The following EMC2 variants were observed in gnomAD, a reference collection of about 807,000 sequenced individuals.
The protein encoded by EMC2 is ER membrane protein complex subunit 2, also known as TPR repeat protein 35.
EMC2 carries 37 observed loss-of-function variants against 51.6 expected under a neutral mutation model. The observed-to-expected ratio is 0.72, with a 90% CI of 0.55 to 0.94. EMC2 has a LOEUF of 0.94. Among genes scored for constraint, EMC2 ranks in the 40% least tolerant of loss-of-function variants. EMC2 has a pLI of 0.00. For missense variants in EMC2, 359 were observed against 350.9 expected (o/e 1.02, Z -0.18); for synonymous variants, 131 against 112.4 (o/e 1.17, Z -1.04).
chr8:108,457,316 A>G (rs1439459082), intron 5 of EMC2, among the ~76,000 whole-genome samples: 2 of 113,674 alleles, frequency 1.8e-5, no homozygotes, highest in African/African-American at 6.2e-5. Context: ...TTGTGTAGGG[A>G]TGTGCGTGTG....
chr8:108,468,328 G>A (rs989504163), intron 5 of EMC2, among the ~76,000 whole-genome samples: 1 of 152,026 alleles, frequency 6.6e-6, no homozygotes. Context: ...TGCATTTATT[G>A]TGGCACATTT....
chr8:108,451,257 T>C (rs1165855524), intron 3 of EMC2, among the ~76,000 whole-genome samples: 1 of 152,008 alleles, frequency 6.6e-6, no homozygotes, highest in African/African-American at 2.4e-5. Context: ...AAAATAACAC[T>C]GTAATGGTAG....
At chr8:108,485,351 A>G (rs1292403387) in intron 10 of EMC2, among the ~76,000 whole-genome samples, 1 of 150,076 alleles carries the variant, frequency 6.7e-6, no homozygotes, top group Non-Finnish European at 1.5e-5. Flanking sequence ...TGAAAACACT[A>G]GATGTTGCTA....
chr8:108,478,528 T>C (rs1810987235), intron 9 of EMC2, among the ~76,000 whole-genome samples: 1 of 152,028 alleles, frequency 6.6e-6, no homozygotes, highest in Non-Finnish European at 1.5e-5. Context: ...CTTAAATTTC[T>C]TTAACCTATT....
intron 5 of EMC2, among the ~76,000 whole-genome samples, chr8:108,458,378 A>G (rs1170455255): frequency 2.6e-5 from 4 of 152,050 alleles, no homozygotes; most frequent in Admixed American, 2.0e-4. Flanking sequence ...CCCACATTTC[A>G]CTTCCATACT....
chr8:108,483,362 A>T (rs950721190), intron 10 of EMC2, among the ~76,000 whole-genome samples: 1 of 152,092 alleles, frequency 6.6e-6, no homozygotes, highest in Non-Finnish European at 1.5e-5. Flanking sequence ...TCACCCAAGA[A>T]ACTTTCCTTC....
At chr8:108,475,089 T>C (rs1289924798) in intron 7 of EMC2, 1 of 151,990 alleles carries the variant, frequency 6.6e-6, no homozygotes, top group East Asian at 1.9e-4. Flanking sequence ...TGTCATCACT[T>C]CCTCACTGGG....
chr8:108,462,026 C>T (rs1819334986), intron 5 of EMC2, among the ~76,000 whole-genome samples: 2 of 152,128 alleles, frequency 1.3e-5, no homozygotes, highest in South Asian at 4.1e-4. Flanking sequence ...CCAGGATGGT[C>T]TTGATCTCTT....
intron 7 of EMC2, among the ~76,000 whole-genome samples, chr8:108,472,922 C>G (rs1586189859): frequency 6.6e-6 from 1 of 151,872 alleles, no homozygotes; most frequent in African/African-American, 2.4e-5. Context: ...CAACATTTCC[C>G]AGGCTAGACT....
At chr8:108,477,366 GT>G (rs1810965775) in intron 9 of EMC2, among the ~76,000 whole-genome samples, 1 of 151,954 alleles carries the variant, frequency 6.6e-6, no homozygotes, top group African/African-American at 2.4e-5. Flanking sequence ...ATGACCTATT[GT>G]TTAGGTATGC....
intron 5 of EMC2, among the ~76,000 whole-genome samples, chr8:108,465,763 T>G (rs937528848): frequency 6.6e-6 from 1 of 152,226 alleles, no homozygotes; most frequent in South Asian, 2.1e-4. Flanking sequence ...AATGTAATTA[T>G]TAGCATTTAT....
chr8:108,486,168 A>G (rs893197688), intron 10 of EMC2, among the ~76,000 whole-genome samples: 3 of 150,838 alleles, frequency 2.0e-5, no homozygotes, highest in African/African-American at 4.9e-5. Flanking sequence ...CTACATAAAT[A>G]TAAGCTAAAT....
At chr8:108,457,466 A>G (rs370259784) in intron 5 of EMC2, among the ~76,000 whole-genome samples, 6 of 152,020 alleles carry the variant, frequency 3.9e-5, no homozygotes, top group African/African-American at 9.7e-5. Flanking sequence ...TTTATAAAAG[A>G]AAAAGGTTTA....
intron 5 of EMC2, chr8:108,463,924 T>C (rs1586184238): frequency 6.6e-6 from 1 of 152,550 alleles, no homozygotes; most frequent in South Asian, 2.1e-4. Context: ...TGACTGGCTG[T>C]AGCACCAAAC....
In EMC2 at chr8:108,476,904, T is replaced by A; in HGVS notation, c.702+12T>A. 1 of 1,206,640 alleles carries A rather than the reference T, an allele frequency of 8.3e-7. No individual in the cohort carries two copies. Among genetic ancestry groups the A allele is most frequent in the Non-Finnish European group, 1.2e-6 (1 of 810,112 alleles). The allele number at this position is 1,206,640 out of a possible 1,614,324, so 74.7% of individuals were successfully genotyped here. ...TTGGACTTTATATGGTGAGTTGAGG[T>A]GCATGTTTAATGTTATTTTTAAAAA... On this transcript the variant is annotated intron_variant, in intron 9 of 10. Coordinates refer to ENST00000220853, the MANE Select transcript of EMC2 (RefSeq NM_014673.5).
intron 5 of EMC2, among the ~76,000 whole-genome samples, chr8:108,469,572 C>T (rs1214365817): frequency 6.6e-6 from 1 of 152,172 alleles, no homozygotes; most frequent in East Asian, 1.9e-4. Context: ...TTATCAGAAT[C>T]TGGATGATTA....
intron 5 of EMC2, among the ~76,000 whole-genome samples, chr8:108,468,608 A>G (rs1485916607): frequency 6.6e-6 from 1 of 152,158 alleles, no homozygotes; most frequent in African/African-American, 2.4e-5. Context: ...CTTCAGAGCC[A>G]AATCACTCTC....
intron 1 of EMC2, among the ~76,000 whole-genome samples, chr8:108,444,411 T>A (rs1167389464): frequency 6.6e-6 from 1 of 152,180 alleles, no homozygotes; most frequent in African/African-American, 2.4e-5. Flanking sequence ...GTGGGATATG[T>A]TCTTTAAATC....
chr8:108,452,440 G>A (rs1039133265), intron 3 of EMC2, among the ~76,000 whole-genome samples: 3 of 152,206 alleles, frequency 2.0e-5, no homozygotes, highest in Middle Eastern at 3.4e-3. Flanking sequence ...GGTGACAGGC[G>A]CCTGTAGTCC....
Sources: allele counts gnomAD v4.1 joint callset (sites outside exome capture counted in the v4.1 genomes callset), GRCh38; gene constraint gnomAD v4.1.1; transcripts MANE v1.5; gene names NCBI Gene and HGNC (gene_info 2026-07-23, HGNC 2026-07-21).